The following TACC2 variants were observed in gnomAD, a reference collection of about 807,000 sequenced individuals.
The protein encoded by TACC2 is transforming acidic coiled-coil-containing protein 2.
Under a neutral mutation model 227.3 loss-of-function variants are expected in TACC2, and 137 were observed. That is an observed-to-expected ratio of 0.60 (90% CI 0.52 to 0.69). The LOEUF (loss-of-function observed/expected upper bound fraction) is 0.69, where lower values mean the gene tolerates loss of function less well. TACC2 is among the 30% of genes least tolerant of loss of function. The pLI is 0.00. For synonymous variants in TACC2, 1,523 were observed against 1,487.5 expected, an observed-to-expected ratio of 1.02 and a Z score of -0.55; for missense variants, 3,470 against 3,694.4, an observed-to-expected ratio of 0.94 and a Z score of 1.57.
chr10:122,252,785 G>A (rs1345919514), intron 22 of TACC2, among the ~76,000 whole-genome samples: 5 of 152,260 alleles, frequency 3.3e-5, no homozygotes, highest in South Asian at 2.1e-4. Flanking sequence ...GAGCCACCAC[G>A]CCCGGCCAAT....
At chr10:122,012,446 G>T (rs891686673) in intron 1 of TACC2, among the ~76,000 whole-genome samples, 1 of 106,566 alleles carries the variant, frequency 9.4e-6, no homozygotes, top group Non-Finnish European at 2.1e-5. Flanking sequence ...AAAAGATGGG[G>T]TTTCGCCATG....
At chr10:122,117,314 C>T (rs967738799) in intron 5 of TACC2, among the ~76,000 whole-genome samples, 1 of 151,692 alleles carries the variant, frequency 6.6e-6, no homozygotes, top group African/African-American at 2.4e-5. Flanking sequence ...CCTGCCTCAG[C>T]TCCACAGCAG....
At chr10:122,215,536 T>C in intron 10 of TACC2, 85 bp downstream of exon 10, 1 of 1,160,090 alleles carries the variant, frequency 8.6e-7, no homozygotes, top group Non-Finnish European at 1.3e-6. Flanking sequence ...TGCTTTCTGC[T>C]CATCCCGGGC....
At chr10:122,179,735 G>T (rs1205705347) in intron 7 of TACC2, among the ~76,000 whole-genome samples, 1 of 152,148 alleles carries the variant, frequency 6.6e-6, no homozygotes, top group African/African-American at 2.4e-5. Context: ...GAGCCCAGAA[G>T]TTTGAGACCA....
rs528852347 is a variant in TACC2 at position 122,031,155 on chromosome 10, T to A, written c.33+9141T>A. ...GTAAGAGACAGAAGCCCATCTTCGG[T>A]GACCATAAGCAGAGAAAGGGATCAT... On this transcript the variant is annotated intron_variant, in intron 2 of 22. Coordinates refer to ENST00000369005, the MANE Select transcript of TACC2 (RefSeq NM_206862.4). Among the ~76,000 whole-genome samples the A allele has an allele frequency of 9.2e-5, 14 of 152,242 alleles. 1 individual carries two copies. Among genetic ancestry groups the A allele is most frequent in the African/African-American group, 3.4e-4 (14 of 41,550 alleles).
chr10:122,190,027 A>T (rs2094352966), intron 7 of TACC2, among the ~76,000 whole-genome samples: 1 of 152,238 alleles, frequency 6.6e-6, no homozygotes, highest in South Asian at 2.1e-4. Context: ...AAACTTGAGC[A>T]AATGTAACCA....
chr10:122,093,489 T>C (rs2420995), intron 5 of TACC2, among the ~76,000 whole-genome samples: 74,195 of 152,104 alleles, frequency 0.49, 19,756 homozygotes, highest in Non-Finnish European at 0.61. Flanking sequence ...AAAACAACAT[T>C]GAAGCATGGT....
chr10:122,071,859 C>T (rs1366080925), intron 3 of TACC2, among the ~76,000 whole-genome samples: 1 of 146,590 alleles, frequency 6.8e-6, no homozygotes, highest in African/African-American at 2.5e-5. Context: ...TGCACTCCAG[C>T]CTGGGCAACA....
rs1170321699 is a variant in TACC2 at position 122,211,498 on chromosome 10, A to C, written c.7073A>C (p.Glu2358Ala). The C allele has an allele frequency of 5.0e-6, 8 of 1,613,792 alleles. No individual in the cohort carries two copies. Among genetic ancestry groups the C allele is most frequent in the Non-Finnish European group, 6.8e-6 (8 of 1,179,970 alleles). ...NPFSSTSKMQ[E>A]SPKLPQQSYN... ...TTTTCTTCCACCTCAAAAATGCAGG[A>C]GTCTCCCAAACTGCCCCAACAATCA... Residue 2358 changes from glutamate to alanine, a missense_variant, in exon 9 of 23, where the codon GAG (glutamate) becomes GCG (alanine). By Grantham distance (107) the Glu-to-Ala change is moderately radical. Coordinates refer to ENST00000369005, the MANE Select transcript of TACC2 (RefSeq NM_206862.4).
At chr10:121,991,722 G>A (rs1375777352) in intron 1 of TACC2, among the ~76,000 whole-genome samples, 1 of 152,182 alleles carries the variant, frequency 6.6e-6, no homozygotes, top group Non-Finnish European at 1.5e-5. Flanking sequence ...TCTGACTTGT[G>A]ACTTTAGTGT....
intron 5 of TACC2, among the ~76,000 whole-genome samples, chr10:122,125,429 G>C (rs1204799987): frequency 6.6e-6 from 1 of 151,990 alleles, no homozygotes; most frequent in Non-Finnish European, 1.5e-5. Context: ...TCGAACTCCT[G>C]GACCCAAGGG....
chr10:122,048,588 G>A (rs771113535), intron 2 of TACC2, among the ~76,000 whole-genome samples: 24 of 152,036 alleles, frequency 1.6e-4, no homozygotes, highest in Middle Eastern at 3.4e-3. Context: ...GAACTCCTGG[G>A]CTCAAGCAGT....
At chr10:122,080,786 TG>T (rs1267959557) in intron 3 of TACC2, among the ~76,000 whole-genome samples, 6 of 152,182 alleles carry the variant, frequency 3.9e-5, no homozygotes, top group Non-Finnish European at 5.9e-5. Flanking sequence ...CTGCCTGGTG[TG>T]GAAAACTGGA....
chr10:122,245,136 T>A (rs2096081719), intron 19 of TACC2: 1 of 152,224 alleles, frequency 6.6e-6, no homozygotes, highest in Non-Finnish European at 1.5e-5. Flanking sequence ...TTTGTTTGTT[T>A]TTCTATTTTT....
intron 7 of TACC2, among the ~76,000 whole-genome samples, chr10:122,167,238 A>G (rs1188707514): frequency 2.6e-5 from 4 of 152,218 alleles, no homozygotes; most frequent in African/African-American, 4.8e-5. Flanking sequence ...CAAATCACAA[A>G]TATGGAAACC....
intron 11 of TACC2, among the ~76,000 whole-genome samples, chr10:122,221,540 G>A (rs1004639398): frequency 1.3e-5 from 2 of 152,124 alleles, no homozygotes; most frequent in African/African-American, 2.4e-5. Flanking sequence ...GTTCTTTAAC[G>A]GCAGGCGCCG....
At chr10:122,009,585 A>G (rs181140217) in intron 1 of TACC2, among the ~76,000 whole-genome samples, 3 of 152,248 alleles carry the variant, frequency 2.0e-5, no homozygotes, top group Admixed American at 2.0e-4. Context: ...AACTGGCCAA[A>G]TGGTACTTAA....
intron 18 of TACC2, among the ~76,000 whole-genome samples, chr10:122,239,581 A>C (rs2095939330): frequency 6.6e-6 from 1 of 152,078 alleles, no homozygotes; most frequent in African/African-American, 2.4e-5. Flanking sequence ...GGGTGGTTCT[A>C]GTTTTTTTAC....
intron 5 of TACC2, among the ~76,000 whole-genome samples, chr10:122,130,138 G>A (rs577976958): frequency 1.4e-4 from 21 of 152,242 alleles, no homozygotes; most frequent in Admixed American, 3.3e-4. Flanking sequence ...TGGGATTACA[G>A]GCACACACTA....
Sources: allele counts gnomAD v4.1 joint callset (sites outside exome capture counted in the v4.1 genomes callset), GRCh38; gene constraint gnomAD v4.1.1; transcripts MANE v1.5; gene names NCBI Gene and HGNC (gene_info 2026-07-23, HGNC 2026-07-21).